The following FHOD3 variants were observed in gnomAD, a reference collection of about 807,000 sequenced individuals.
FHOD3 encodes FH1/FH2 domain-containing protein 3.
Under a neutral mutation model 173.0 loss-of-function variants are expected in FHOD3, and 90 were observed. The ratio of observed to expected loss-of-function variants is 0.52; its 90% CI spans 0.44 to 0.62. The LOEUF (loss-of-function observed/expected upper bound fraction) is 0.62. Among genes scored for constraint, FHOD3 ranks in the 20% least tolerant of loss-of-function variants. FHOD3 has a pLI of 0.00. For missense variants in FHOD3, 1,945 were observed against 2,034.7 expected (o/e 0.96, Z 0.85); for synonymous variants, 828 against 823.0 (o/e 1.01, Z -0.10).
In FHOD3 at chr18:36,720,663, G is replaced by A. The variant is rs148784852; in HGVS notation, c.3417+1948G>A. On this transcript the variant is annotated intron_variant, in intron 19 of 28. Transcript: ENST00000590592. ...TGCTGACACCACCTTCCAACCTACTGACCTAATTGGACAGAATATTCCTCC... is the reference window on the plus strand; with the variant it reads ...TGCTGACACCACCTTCCAACCTACTAACCTAATTGGACAGAATATTCCTCC... 1.9e-3 allele frequency among the ~76,000 whole-genome samples: 287 copies of A among 151,936 alleles called. 1 individual carries two copies. The highest frequency in any genetic ancestry group is 4.0e-3 in the Admixed American group (61 of 15,264).
Position 36,576,561 on chromosome 18 carries a change from G to T in FHOD3, c.606+16G>T. ...TGGGTCAAAGGTAAGGGGAAGTTAT[G>T]GTTGACTGTTTTGTTCACTTGTCAT... On this transcript the variant is annotated intron_variant, in intron 6 of 28. Coordinates refer to ENST00000590592, the MANE Select transcript of FHOD3 (RefSeq NM_001281740.3). 1.9e-6 allele frequency: 3 copies of T among 1,590,454 alleles called. No homozygotes were observed. The highest frequency in any genetic ancestry group is 2.3e-5 in the East Asian group (1 of 44,352).
intron 7 of FHOD3, among the ~76,000 whole-genome samples, chr18:36,596,686 C>T (rs928592688): frequency 8.5e-5 from 13 of 152,074 alleles, no homozygotes; most frequent in Non-Finnish European, 1.5e-4. Context: ...GGAGGCAACT[C>T]GAGGTCTCTT....
intron 16 of FHOD3, among the ~76,000 whole-genome samples, chr18:36,690,653 C>T (rs2038907877): frequency 6.6e-6 from 1 of 152,114 alleles, no homozygotes; most frequent in African/African-American, 2.4e-5. Context: ...ACCACTCTGG[C>T]CACTGCAGAT....
intron 17 of FHOD3, among the ~76,000 whole-genome samples, chr18:36,694,061 A>G (rs1379345846): frequency 2.0e-5 from 3 of 152,140 alleles, no homozygotes; most frequent in Admixed American, 6.5e-5. Context: ...CTTGAGCATC[A>G]GCTGTTTTCC....
intron 8 of FHOD3, among the ~76,000 whole-genome samples, chr18:36,610,073 GGAA>G (rs1462147164): frequency 6.6e-6 from 1 of 152,216 alleles, no homozygotes; most frequent in African/African-American, 2.4e-5. Context: ...AGGTGAAAGG[GGAA>G]GAAGAAGGTG....
intron 5 of FHOD3, among the ~76,000 whole-genome samples, chr18:36,539,154 T>A (rs919401911): frequency 6.6e-6 from 1 of 152,280 alleles, no homozygotes; most frequent in Non-Finnish European, 1.5e-5. Flanking sequence ...GCTGGATTAT[T>A]ACATTTGTTA....
intron 19 of FHOD3, among the ~76,000 whole-genome samples, chr18:36,721,260 C>T (rs2040772458): frequency 1.3e-5 from 2 of 152,224 alleles, no homozygotes; most frequent in Non-Finnish European, 2.9e-5. Flanking sequence ...AAAACCCCTA[C>T]CTTTGTCTTT....
At chr18:36,352,359 A>C (rs563649594) in intron 1 of FHOD3, among the ~76,000 whole-genome samples, 1 of 152,242 alleles carries the variant, frequency 6.6e-6, no homozygotes, top group Non-Finnish European at 1.5e-5. Flanking sequence ...AGACATTCAC[A>C]GTGTGTCACT....
chr18:36,507,434 C>T (rs754021421), intron 4 of FHOD3, among the ~76,000 whole-genome samples: 6 of 152,170 alleles, frequency 3.9e-5, no homozygotes, highest in Non-Finnish European at 7.4e-5. Context: ...AATATAAAAA[C>T]AATCTGAAAC....
At position 36,594,486 on chromosome 18, in the gene FHOD3, T is replaced by C. The variant is rs375402271; in HGVS notation, c.607-301T>C. ...TTCAGCACATACTCGTGTTTGAGAGTTGCCAGGTGTGAGTTCTGGAGCCAT... is the reference window on the plus strand; with the variant it reads ...TTCAGCACATACTCGTGTTTGAGAGCTGCCAGGTGTGAGTTCTGGAGCCAT... On this transcript the variant is annotated intron_variant, in intron 6 of 28. Coordinates refer to ENST00000590592, the MANE Select transcript of FHOD3 (RefSeq NM_001281740.3). Among the ~76,000 whole-genome samples the C allele has an allele frequency of 1.6e-4, 24 of 152,172 alleles. No individual in the cohort carries two copies. In the East Asian group the frequency reaches 4.6e-3, roughly 29 times the overall value.
chr18:36,400,414 C>A (rs1177705467), intron 3 of FHOD3, among the ~76,000 whole-genome samples: 3 of 152,178 alleles, frequency 2.0e-5, no homozygotes, highest in African/African-American at 7.2e-5. Flanking sequence ...CCCCTACCCC[C>A]ACAGCTCTTT....
chr18:36,318,161 G>A (rs2044221544), intron 1 of FHOD3, among the ~76,000 whole-genome samples: 1 of 152,170 alleles, frequency 6.6e-6, no homozygotes, highest in East Asian at 1.9e-4. Context: ...GTAGCGTGAT[G>A]CCTCCAGCTT....
chr18:36,443,983 A>G (rs950253512), intron 3 of FHOD3, among the ~76,000 whole-genome samples: 1 of 152,158 alleles, frequency 6.6e-6, no homozygotes, highest in African/African-American at 2.4e-5. Context: ...AGGCAGGCAG[A>G]TCACGAGGTC....
chr18:36,460,441 A>G (rs189576768), intron 3 of FHOD3, among the ~76,000 whole-genome samples: 1 of 152,364 alleles, frequency 6.6e-6, no homozygotes, highest in Admixed American at 6.5e-5. Context: ...GGTAAGCCAC[A>G]CATCACCATG....
chr18:36,693,509 G>C, intron 17 of FHOD3, 86 bp downstream of exon 17: 1 of 1,223,014 alleles, frequency 8.2e-7, no homozygotes, highest in Non-Finnish European at 1.2e-6. Context: ...TCAACCTGCA[G>C]GCTAATACTG....
intron 3 of FHOD3, among the ~76,000 whole-genome samples, chr18:36,439,891 G>C (rs1320776123): frequency 6.6e-6 from 1 of 152,142 alleles, no homozygotes; most frequent in Non-Finnish European, 1.5e-5. Context: ...TCCCTCAATG[G>C]ATTAGATGAT....
intron 6 of FHOD3, 127 bp from the exon 7 acceptor site, chr18:36,594,660 G>A (rs1367315456): frequency 3.2e-6 from 2 of 629,658 alleles, no homozygotes; most frequent in Non-Finnish European, 5.8e-6. Context: ...GATCTGTGAA[G>A]GAATCTGTGT....
rs915443839 is a variant in FHOD3 at position 36,492,344 on chromosome 18, A to G, written c.338-9588A>G. 3.3e-5 allele frequency among the ~76,000 whole-genome samples: 5 copies of G among 152,022 alleles called. No individual in the cohort carries two copies. The East Asian group carries it at 7.7e-4, about 23-fold the overall frequency. On this transcript the variant is annotated intron_variant, in intron 3 of 28. Transcript: ENST00000590592. ...CTTAGTGTTACCATCACCTTCTCAC[A>G]TGACATTGCCATGGTTTGGGGACAT...
intron 3 of FHOD3, among the ~76,000 whole-genome samples, chr18:36,404,896 A>G (rs1219372207): frequency 6.6e-6 from 1 of 152,200 alleles, no homozygotes; most frequent in Non-Finnish European, 1.5e-5. Context: ...AATCAGTTAC[A>G]CATTTATACT....
Sources: allele counts gnomAD v4.1 joint callset (sites outside exome capture counted in the v4.1 genomes callset), GRCh38; gene constraint gnomAD v4.1.1; transcripts MANE v1.5; gene names NCBI Gene and HGNC (gene_info 2026-07-23, HGNC 2026-07-21).